The following NAV3 variants were observed in gnomAD, a reference collection of about 807,000 sequenced individuals.
The protein encoded by NAV3 is pore membrane and/or filament interacting like protein 1.
In NAV3, 87 loss-of-function variants were observed where a neutral mutation model predicts 244.7. That is an observed-to-expected ratio of 0.36 (90% CI 0.30 to 0.42). The LOEUF is 0.42. Among genes scored for constraint, NAV3 ranks in the 20% least tolerant of loss-of-function variants. The probability of loss-of-function intolerance (pLI) is 1.00; values close to 1 mark genes in which losing one functional copy is unlikely to be tolerated. For synonymous variants in NAV3, 1,126 were observed against 1,042.2 expected (o/e 1.08, Z -1.55); for missense variants, 2,663 against 2,893.3 (o/e 0.92, Z 1.83).
rs570410371 is a variant in NAV3, at chr12:77,910,311, G to A, written c.244-30008G>A. Reference sequence around the variant, plus strand: ...GGTCACATGAGGAAAGAGGGAGCAAGAGAGAGAGGGGAGGAGGTGTCAGAC... The same window carrying A: ...GGTCACATGAGGAAAGAGGGAGCAAAAGAGAGAGGGGAGGAGGTGTCAGAC... On this transcript the variant is annotated intron_variant, in intron 1 of 39. Coordinates refer to ENST00000397909, the MANE Select transcript of NAV3 (RefSeq NM_001024383.2). Among the ~76,000 whole-genome samples, 11 of 152,064 alleles carry A rather than the reference G, an allele frequency of 7.2e-5. No homozygotes were observed. In the East Asian group the frequency reaches 1.6e-3, roughly 22 times the overall value.
At chr12:77,778,631 A>AG (rs1185157824) in intron 2 of NAV3, among the ~76,000 whole-genome samples, 3 of 151,512 alleles carry the variant, frequency 2.0e-5, no homozygotes, top group Non-Finnish European at 4.4e-5. Context: ...AAAAAAAAAA[A>AG]GAAAATGCAT....
intron 12 of NAV3, among the ~76,000 whole-genome samples, chr12:78,060,645 C>T (rs964998403): frequency 4.6e-5 from 7 of 151,946 alleles, no homozygotes; most frequent in East Asian, 1.9e-4. Context: ...GGCTGGCAAT[C>T]GCATCTAATT....
chr12:77,823,728 G>C (rs1276325775), intron 2 of NAV3, among the ~76,000 whole-genome samples: 1 of 151,986 alleles, frequency 6.6e-6, no homozygotes, highest in African/African-American at 2.4e-5. Flanking sequence ...ATATTACCAG[G>C]CATGTTAAAA....
chr12:77,683,399 T>C (rs1874562803), intron 2 of NAV3, among the ~76,000 whole-genome samples: 1 of 152,132 alleles, frequency 6.6e-6, no homozygotes, highest in Non-Finnish European at 1.5e-5. Flanking sequence ...AGTACCATGC[T>C]GTTTTGATTA....
intron 2 of NAV3, among the ~76,000 whole-genome samples, chr12:77,715,357 CTATG>C (rs1876311569): frequency 6.6e-6 from 1 of 151,264 alleles, no homozygotes; most frequent in Non-Finnish European, 1.5e-5. Context: ...ACTATGCTTT[CTATG>C]TCTTTTTTGT....
chr12:77,945,654 AT>A (rs1273114601), intron 3 of NAV3, among the ~76,000 whole-genome samples: 9 of 152,212 alleles, frequency 5.9e-5, no homozygotes, highest in Admixed American at 5.9e-4. Flanking sequence ...AACTAGAGGA[AT>A]TTAAATTAAT....
At chr12:77,782,625 A>G (rs1178911359) in intron 2 of NAV3, among the ~76,000 whole-genome samples, 1 of 150,124 alleles carries the variant, frequency 6.7e-6, no homozygotes, top group Admixed American at 6.6e-5. Context: ...AGGCACATAG[A>G]GAACAATTCA....
At chr12:77,975,718 T>C (rs1485201280) in intron 5 of NAV3, among the ~76,000 whole-genome samples, 2 of 152,172 alleles carry the variant, frequency 1.3e-5, no homozygotes, top group East Asian at 1.9e-4. Flanking sequence ...AGAAGAAGAG[T>C]AGATATAATT....
intron 9 of NAV3, among the ~76,000 whole-genome samples, chr12:78,024,948 C>A (rs770126): frequency 2.6e-4 from 39 of 151,290 alleles, no homozygotes; most frequent in Non-Finnish European, 4.7e-4. Flanking sequence ...GCACTCCAGA[C>A]TGGGAGACAG....
chr12:78,092,491 C>CTTTTTTT (rs71088358), intron 12 of NAV3, among the ~76,000 whole-genome samples: 7 of 64,030 alleles, frequency 1.1e-4, no homozygotes, highest in Admixed American at 1.8e-4. Context: ...TAGTTATTTT[C>CTTTTTTT]TTTTTTTTTT....
At chr12:77,947,674 A>C (rs1266371871) in intron 3 of NAV3, 1 of 151,988 alleles carries the variant, frequency 6.6e-6, no homozygotes, top group African/African-American at 2.4e-5. Context: ...TAGAGTTCTG[A>C]TCTATAAAGA....
chr12:77,931,182 A>G (rs1348025372), intron 1 of NAV3, among the ~76,000 whole-genome samples: 1 of 151,662 alleles, frequency 6.6e-6, no homozygotes, highest in African/African-American at 2.4e-5. Context: ...TTCAATTTTG[A>G]TCTCCCTTCC....
chr12:78,135,442 G>A (rs1371813316), intron 18 of NAV3, among the ~76,000 whole-genome samples: 1 of 152,146 alleles, frequency 6.6e-6, no homozygotes, highest in Non-Finnish European at 1.5e-5. Flanking sequence ...TCTTGATAGA[G>A]CTAAGTATTA....
intron 12 of NAV3, among the ~76,000 whole-genome samples, chr12:78,100,094 A>G (rs1954463396): frequency 6.6e-6 from 1 of 151,974 alleles, no homozygotes; most frequent in African/African-American, 2.4e-5. Flanking sequence ...CCCACATGGT[A>G]TTAATGTTAG....
chr12:77,633,757 A>G (rs1270051550), intron 2 of NAV3, among the ~76,000 whole-genome samples: 1 of 152,070 alleles, frequency 6.6e-6, no homozygotes, highest in African/African-American at 2.4e-5. Context: ...CATTTCAACC[A>G]TACACTACAA....
intron 34 of NAV3, 47 bp downstream of exon 34, chr12:78,190,266 GT>G: frequency 6.8e-7 from 1 of 1,461,476 alleles, no homozygotes; most frequent in Non-Finnish European, 9.4e-7. Flanking sequence ...ATCCATAAGT[GT>G]TTTAAGCAAT....
chr12:78,179,381 C>T lies in NAV3; in HGVS notation c.5364-148C>T, dbSNP rs1260832374. The T allele has an allele frequency of 3.8e-6, 3 of 792,330 alleles. No individual in the cohort carries two copies. The South Asian group carries it at 6.4e-5, about 17-fold the overall frequency. 49.1% of individuals were successfully genotyped at this position (792,330 alleles called of 1,614,324 possible). A position where few individuals can be genotyped will look rare whatever the true frequency, so the allele number is the denominator to read the frequency against. Reference sequence around the variant, plus strand: ...TGTGAATGCATAACCGTTTGTAAAACTCCTTCTCCTTTTCTCTAGGTTTTG... The same window carrying T: ...TGTGAATGCATAACCGTTTGTAAAATTCCTTCTCCTTTTCTCTAGGTTTTG... On this transcript the variant is annotated intron_variant, in intron 28 of 39. Transcript: ENST00000397909.
chr12:78,053,546 G>A (rs192925144), intron 11 of NAV3, among the ~76,000 whole-genome samples: 9 of 152,136 alleles, frequency 5.9e-5, no homozygotes, highest in African/African-American at 2.2e-4. Flanking sequence ...AACTAAGGCC[G>A]GAATGAAGCT....
chr12:78,104,209 C>T (rs1954685167), intron 12 of NAV3, among the ~76,000 whole-genome samples: 1 of 152,068 alleles, frequency 6.6e-6, no homozygotes, highest in Non-Finnish European at 1.5e-5. Context: ...ATCTGTTTTA[C>T]ATGTACATGT....
Sources: gnomAD v4.1 joint callset for allele counts (sites outside exome capture counted in the v4.1 genomes callset) on GRCh38, gnomAD v4.1.1 for gene constraint, MANE v1.5 for transcripts, NCBI Gene and HGNC (gene_info 2026-07-23, HGNC 2026-07-21) for gene names.